The following MACROD2 variants were observed in gnomAD, a reference collection of about 807,000 sequenced individuals.
The protein encoded by MACROD2 is mono-ADP ribosylhydrolase 2, also known as ADP-ribose glycohydrolase MACROD2.
In MACROD2, 36 loss-of-function variants were observed where a neutral mutation model predicts 70.4. The observed-to-expected ratio is 0.51, with a 90% confidence interval of 0.39 to 0.68. The LOEUF is 0.68. Among genes scored for constraint, MACROD2 ranks in the 30% least tolerant of loss-of-function variants. The pLI is 0.00. For synonymous variants in MACROD2, 172 were observed against 178.8 expected (o/e 0.96, Z 0.30); for missense variants, 496 against 538.4 (o/e 0.92, Z 0.78).
intron 8 of MACROD2, among the ~76,000 whole-genome samples, chr20:15,503,195 A>G (rs1340566126): frequency 6.6e-6 from 1 of 152,204 alleles, no homozygotes; most frequent in African/African-American, 2.4e-5. Context: ...GCTGCTGGGT[A>G]AATTTTGGTG....
chr20:14,580,263 G>A lies in MACROD2; in HGVS notation c.301+86755G>A, dbSNP rs760837763. ...GCTTTTAATTGCTGAGCAAAATCCC[G>A]ATCATCCCTGGGTAGTTATAGCACT... On this transcript the variant is annotated intron_variant, in intron 4 of 17. Coordinates refer to ENST00000684519, the MANE Select transcript of MACROD2 (RefSeq NM_001351661.2). 3.3e-5 allele frequency among the ~76,000 whole-genome samples: 5 copies of A among 152,180 alleles called. No homozygotes were observed. In the Middle Eastern group the frequency reaches 0.01, roughly 311 times the overall value.
intron 4 of MACROD2, among the ~76,000 whole-genome samples, chr20:14,520,847 C>T (rs1315420761): frequency 6.6e-6 from 1 of 151,802 alleles, no homozygotes; most frequent in East Asian, 1.9e-4. Flanking sequence ...CTCTACTTAC[C>T]TCCTCCCTGA....
intron 3 of MACROD2, among the ~76,000 whole-genome samples, chr20:14,373,841 CCTT>C (rs35567087): frequency 0.14 from 20,654 of 151,936 alleles, 2,028 homozygotes; most frequent in African/African-American, 0.28. Context: ...CACACATGCT[CCTT>C]GTTTTGTTTA....
rs1023900476 is a variant in MACROD2 at position 15,254,965 on chromosome 20, G to T, written c.540+24904G>T. 6.2e-5 allele frequency among the ~76,000 whole-genome samples: 8 copies of T among 128,644 alleles called. 1 individual carries two copies. The highest frequency in any genetic ancestry group is 5.7e-4 in the Admixed American group (6 of 10,464). The allele number at this position is 128,644 out of a possible 152,430, so 84.4% of individuals were successfully genotyped here. On this transcript the variant is annotated intron_variant, in intron 6 of 17. Coordinates refer to ENST00000684519, the MANE Select transcript of MACROD2 (RefSeq NM_001351661.2). ...TTTTTTTTTTTTTTTCAGTTAAGAAGCTGGTAATTGAGTGAACACAATATA... is the reference window on the plus strand; with the variant it reads ...TTTTTTTTTTTTTTTCAGTTAAGAATCTGGTAATTGAGTGAACACAATATA...
chr20:15,244,535 T>G (rs1382478854), intron 6 of MACROD2, among the ~76,000 whole-genome samples: 1 of 152,144 alleles, frequency 6.6e-6, no homozygotes, highest in Non-Finnish European at 1.5e-5. Context: ...GAGGCCCCCC[T>G]GCACCCCAGA....
intron 2 of MACROD2, among the ~76,000 whole-genome samples, chr20:14,084,089 A>AC (rs2054042593): frequency 6.7e-6 from 1 of 149,234 alleles, no homozygotes; most frequent in South Asian, 2.1e-4. Flanking sequence ...AAACAAAAAA[A>AC]AACCTTCCGG....
At chr20:14,414,648 A>C (rs1054434111) in intron 3 of MACROD2, among the ~76,000 whole-genome samples, 3 of 152,088 alleles carry the variant, frequency 2.0e-5, no homozygotes, top group Admixed American at 6.6e-5. Flanking sequence ...CAGAGTAAAA[A>C]CCAAAACCCT....
At chr20:14,432,268 T>C (rs563706218) in intron 3 of MACROD2, among the ~76,000 whole-genome samples, 1 of 152,308 alleles carries the variant, frequency 6.6e-6, no homozygotes, top group East Asian at 1.9e-4. Context: ...TATTATTATC[T>C]GCAGAGCTGA....
At chr20:15,152,361 G>A (rs757494236) in intron 5 of MACROD2, among the ~76,000 whole-genome samples, 6 of 151,596 alleles carry the variant, frequency 4.0e-5, no homozygotes, top group Non-Finnish European at 2.9e-5. Context: ...GTAGAGACAC[G>A]GAGAAGAGGT....
At chr20:15,901,349 G>A (rs903556101) in intron 10 of MACROD2, among the ~76,000 whole-genome samples, 1 of 152,130 alleles carries the variant, frequency 6.6e-6, no homozygotes, top group Admixed American at 6.5e-5. Flanking sequence ...TGACTTGATG[G>A]TGTGAAAGCA....
At chr20:14,477,417 C>T (rs543334946) in intron 3 of MACROD2, among the ~76,000 whole-genome samples, 164 of 152,174 alleles carry the variant, frequency 1.1e-3, no homozygotes, top group African/African-American at 3.5e-3. Flanking sequence ...ACTATTACTA[C>T]GTTTTGAAAT....
chr20:15,298,023 A>G (rs557658856), intron 6 of MACROD2, among the ~76,000 whole-genome samples: 2 of 152,274 alleles, frequency 1.3e-5, no homozygotes, highest in African/African-American at 4.8e-5. Context: ...GTTCTGATCA[A>G]TTTTTTCATG....
At chr20:15,052,578 AACTT>A (rs1015672276) in intron 5 of MACROD2, among the ~76,000 whole-genome samples, 2 of 152,254 alleles carry the variant, frequency 1.3e-5, no homozygotes, top group African/African-American at 4.8e-5. Flanking sequence ...AAAGGTCACA[AACTT>A]AATTAATCAA....
intron 3 of MACROD2, among the ~76,000 whole-genome samples, chr20:14,361,611 C>A (rs1165493509): frequency 1.3e-5 from 2 of 152,144 alleles, no homozygotes; most frequent in African/African-American, 2.4e-5. Context: ...TCCTAAATAC[C>A]AGAGATTTCA....
chr20:14,727,659 A>C (rs1199937219), intron 5 of MACROD2, among the ~76,000 whole-genome samples: 1 of 152,214 alleles, frequency 6.6e-6, no homozygotes, highest in Non-Finnish European at 1.5e-5. Flanking sequence ...CCAAGTAACT[A>C]ATCATAATTT....
At chr20:14,462,516 T>C (rs2084384529) in intron 3 of MACROD2, among the ~76,000 whole-genome samples, 1 of 152,082 alleles carries the variant, frequency 6.6e-6, no homozygotes, top group Non-Finnish European at 1.5e-5. Flanking sequence ...TTTCTTTTGC[T>C]GTGCAGAAGC....
At chr20:15,912,811 CT>C (rs2065256346) in intron 10 of MACROD2, among the ~76,000 whole-genome samples, 1 of 152,088 alleles carries the variant, frequency 6.6e-6, no homozygotes, top group African/African-American at 2.4e-5. Flanking sequence ...TGCCCAGAAA[CT>C]TAATTAAATT....
rs796807745 is a variant in MACROD2, at chr20:15,682,115, A to G, written c.646-180630A>G. The stretch of plus-strand genomic sequence containing the variant: ...CATGTAGCCACCTATGGGATTAAGT[A>G]AGTACTGAGGTCCTTGAGCCATTTC... On this transcript the variant is annotated intron_variant, in intron 8 of 17. Transcript: ENST00000684519. Among the ~76,000 whole-genome samples, 5 of 152,212 alleles carry G rather than the reference A, an allele frequency of 3.3e-5. No homozygotes were observed. In the South Asian group the frequency reaches 1.0e-3, roughly 32 times the overall value.
chr20:14,561,094 G>A (rs916455026), intron 4 of MACROD2, among the ~76,000 whole-genome samples: 20 of 151,798 alleles, frequency 1.3e-4, no homozygotes, highest in South Asian at 4.1e-4. Flanking sequence ...TAGACTCTGG[G>A]AGACTTATGG....
Sources: allele counts gnomAD v4.1 joint callset (sites outside exome capture counted in the v4.1 genomes callset), GRCh38; gene constraint gnomAD v4.1.1; transcripts MANE v1.5; gene names NCBI Gene and HGNC (gene_info 2026-07-23, HGNC 2026-07-21).